NAV2: variants seen among roughly 807,000 people sequenced by gnomAD.
The protein encoded by NAV2 is neuron navigator 2.
Under a neutral mutation model 223.2 loss-of-function variants are expected in NAV2, and 54 were observed. The observed-to-expected ratio is 0.24, with a 90% CI of 0.19 to 0.30. NAV2 has a LOEUF of 0.30. NAV2 is among the 10% of genes least tolerant of loss of function. The pLI is 1.00. For synonymous variants in NAV2, 1,279 were observed against 1,239.3 expected (o/e 1.03, Z -0.67); for missense variants, 2,806 against 3,147.5 (o/e 0.89, Z 2.60).
At chr11:19,806,429 T>G (rs1437102331) in intron 1 of NAV2, among the ~76,000 whole-genome samples, 2 of 152,254 alleles carry the variant, frequency 1.3e-5, no homozygotes, top group Non-Finnish European at 2.9e-5. Flanking sequence ...TTCTTCAACT[T>G]AAAATTTGGA....
At chr11:20,041,441 G>T (rs1450738242) in intron 12 of NAV2, among the ~76,000 whole-genome samples, 1 of 152,118 alleles carries the variant, frequency 6.6e-6, no homozygotes, top group African/African-American at 2.4e-5. Context: ...TGCCTGGGAC[G>T]TAGTAAGTAC....
At chr11:20,010,633 G>A (rs1448414486) in intron 11 of NAV2, among the ~76,000 whole-genome samples, 2 of 152,140 alleles carry the variant, frequency 1.3e-5, no homozygotes, top group Non-Finnish European at 2.9e-5. Flanking sequence ...TACAGCCGTG[G>A]CTTTTATCAA....
intron 11 of NAV2, among the ~76,000 whole-genome samples, chr11:19,992,365 CA>C (rs2051424419): frequency 6.6e-6 from 1 of 152,184 alleles, no homozygotes; most frequent in African/African-American, 2.4e-5. Context: ...GGAATTCTAC[CA>C]GGGGGTTATA....
chr11:19,350,207 C>T (rs1248527934), upstream of NAV2, among the ~76,000 whole-genome samples: 1 of 152,090 alleles, frequency 6.6e-6, no homozygotes, highest in Non-Finnish European at 1.5e-5. Flanking sequence ...CCGTGAGGCC[C>T]CTGGAGTTTC....
At chr11:20,030,223 T>C (rs984515144) in intron 11 of NAV2, among the ~76,000 whole-genome samples, 2 of 152,136 alleles carry the variant, frequency 1.3e-5, no homozygotes, top group Non-Finnish European at 2.9e-5. Flanking sequence ...TGAACTGGAG[T>C]GGCAAAACCT....
chr11:20,106,155 G>GTGTATATATATATA (rs369895690), intron 35 of NAV2, among the ~76,000 whole-genome samples: 1 of 31,498 alleles, frequency 3.2e-5, no homozygotes, highest in African/African-American at 6.6e-5. Flanking sequence ...GTGTGTGTGT[G>GTGTATATATATATA]TATATATATA....
intron 1 of NAV2, among the ~76,000 whole-genome samples, chr11:19,677,325 G>C (rs1029108552): frequency 2.0e-5 from 3 of 152,374 alleles, no homozygotes; most frequent in African/African-American, 7.2e-5. Flanking sequence ...AGCCCAGGGT[G>C]ACAGCTTGCA....
chr11:19,757,788 A>G (rs2054358741), intron 1 of NAV2, among the ~76,000 whole-genome samples: 1 of 152,188 alleles, frequency 6.6e-6, no homozygotes. Flanking sequence ...CAAAAGCCCT[A>G]AGAGATACTG....
At chr11:19,675,736 G>C (rs1330639214) in intron 1 of NAV2, among the ~76,000 whole-genome samples, 2 of 152,166 alleles carry the variant, frequency 1.3e-5, no homozygotes, top group Non-Finnish European at 2.9e-5. Flanking sequence ...GCCCAAATGT[G>C]TTTTAGCTCT....
chr11:19,899,086 T>C (rs752765567), intron 6 of NAV2, among the ~76,000 whole-genome samples: 4 of 152,196 alleles, frequency 2.6e-5, no homozygotes, highest in Non-Finnish European at 4.4e-5. Flanking sequence ...AATTCTTCAG[T>C]TGGCGCTGGC....
intron 27 of NAV2, among the ~76,000 whole-genome samples, chr11:20,091,389 C>T (rs1045731248): frequency 6.6e-6 from 1 of 152,162 alleles, no homozygotes; most frequent in African/African-American, 2.4e-5. Flanking sequence ...CTGACTGCCC[C>T]CTTTGCATCC....
intron 1 of NAV2, among the ~76,000 whole-genome samples, chr11:19,400,374 G>A (rs1849633192): frequency 6.6e-6 from 1 of 152,190 alleles, no homozygotes; most frequent in Non-Finnish European, 1.5e-5. Flanking sequence ...GTGTGATAAG[G>A]AGGCATTACC....
At chr11:19,792,509 A>G (rs2057593343) in intron 1 of NAV2, among the ~76,000 whole-genome samples, 1 of 152,174 alleles carries the variant, frequency 6.6e-6, no homozygotes, top group Admixed American at 6.5e-5. Context: ...ACGCTTCCAG[A>G]GGGAAAGAGA....
intron 30 of NAV2, among the ~76,000 whole-genome samples, chr11:20,097,062 A>G (rs950354239): frequency 6.6e-6 from 1 of 152,180 alleles, no homozygotes; most frequent in Non-Finnish European, 1.5e-5. Flanking sequence ...TTGTTCACTC[A>G]ACTAAGAGGG....
intron 6 of NAV2, among the ~76,000 whole-genome samples, chr11:19,902,501 G>A (rs2042528841): frequency 6.6e-6 from 1 of 151,982 alleles, no homozygotes; most frequent in African/African-American, 2.4e-5. Context: ...AAGGAGTAGA[G>A]AAAAAGAGAA....
rs552206995 is a variant in NAV2 at position 19,888,826 on chromosome 11, C to T, written c.771-3608C>T. Among the ~76,000 whole-genome samples, 58 of 152,290 alleles carry T rather than the reference C, an allele frequency of 3.8e-4. No individual in the cohort carries two copies. The South Asian group carries it at 0.011, about 29-fold the overall frequency. ...ATCCCCTACTCACATTCCCATTCAGCGTGCCAGACTTGCTCTGGGGTCTTT... is the reference window on the plus strand; with the variant it reads ...ATCCCCTACTCACATTCCCATTCAGTGTGCCAGACTTGCTCTGGGGTCTTT... On this transcript the variant is annotated intron_variant, in intron 5 of 37. Coordinates refer to ENST00000349880, the MANE Select transcript of NAV2 (RefSeq NM_145117.5).
At chr11:19,986,703 G>A (rs945971144) in intron 11 of NAV2, among the ~76,000 whole-genome samples, 1 of 152,170 alleles carries the variant, frequency 6.6e-6, no homozygotes, top group Non-Finnish European at 1.5e-5. Context: ...TAAAGACATA[G>A]GATTTGCAAA....
intron 1 of NAV2, among the ~76,000 whole-genome samples, chr11:19,793,226 AAAAGAAAG>A (rs71050687): frequency 0.15 from 18,045 of 123,984 alleles, 1,558 homozygotes; most frequent in East Asian, 0.43. Context: ...AAAAAAAAAA[AAAAGAAAG>A]AAAGAAAGAA....
chr11:20,063,563 C>T (rs1352940551), intron 20 of NAV2, among the ~76,000 whole-genome samples: 2 of 152,022 alleles, frequency 1.3e-5, no homozygotes, highest in African/African-American at 2.4e-5. Context: ...TTAGTAGAGA[C>T]GGGATTTCAC....
Sources: allele counts gnomAD v4.1 joint callset (sites outside exome capture counted in the v4.1 genomes callset), GRCh38; gene constraint gnomAD v4.1.1; transcripts MANE v1.5; gene names NCBI Gene and HGNC (gene_info 2026-07-23, HGNC 2026-07-21).